VPS13D: variants seen among roughly 807,000 people sequenced by gnomAD.
VPS13D encodes the protein vacuolar protein sorting 13 homolog D.
Under a neutral mutation model 461.9 loss-of-function variants are expected in VPS13D, and 187 were observed. The observed-to-expected ratio is 0.40, with a 90% CI of 0.36 to 0.46. The LOEUF is 0.46. Ranked by LOEUF, VPS13D falls within the 20% of genes least tolerant of loss-of-function variation. VPS13D has a pLI of 0.60. For missense variants in VPS13D, 4,711 were observed against 5,364.9 expected, an observed-to-expected ratio of 0.88 and a Z score of 3.81; for synonymous variants, 1,951 against 1,986.3, an observed-to-expected ratio of 0.98 and a Z score of 0.47.
intron 65 of VPS13D, among the ~76,000 whole-genome samples, chr1:12,439,172 G>A (rs1332514478): frequency 1.3e-5 from 2 of 152,048 alleles, no homozygotes; most frequent in Non-Finnish European, 2.9e-5. Flanking sequence ...ATTCCAGCTT[G>A]TGCAACCTCA....
chr1:12,484,525 A>T (rs1423667268), intron 67 of VPS13D, among the ~76,000 whole-genome samples: 8 of 152,212 alleles, frequency 5.3e-5, no homozygotes, highest in Non-Finnish European at 1.2e-4. Context: ...AGTCAGAAAG[A>T]CCCAAGATCT....
chr1:12,243,705 C>T (rs938723702), intron 3 of VPS13D, among the ~76,000 whole-genome samples: 2 of 152,158 alleles, frequency 1.3e-5, no homozygotes, highest in Non-Finnish European at 1.5e-5. Context: ...CACAATTCTA[C>T]CGAGCCGTTT....
At chr1:12,333,456 C>G (rs1265238040) in intron 38 of VPS13D, 90 bp downstream of exon 38, 1 of 1,511,460 alleles carries the variant, frequency 6.6e-7, no homozygotes, top group East Asian at 2.3e-5. Flanking sequence ...TAGCAAATAC[C>G]TGGGCCTGTA....
chr1:12,312,603 T>C (rs1642784563), intron 29 of VPS13D, among the ~76,000 whole-genome samples: 1 of 151,924 alleles, frequency 6.6e-6, no homozygotes, highest in Non-Finnish European at 1.5e-5. Flanking sequence ...CTACAAAAAA[T>C]TAAAAAACTA....
chr1:12,421,851 C>T (rs956790500), intron 65 of VPS13D, among the ~76,000 whole-genome samples: 1 of 152,174 alleles, frequency 6.6e-6, no homozygotes, highest in Non-Finnish European at 1.5e-5. Context: ...GAGACAGTCT[C>T]ACTCTATCGC....
At chr1:12,327,220 C>G (rs943016630) in intron 35 of VPS13D, among the ~76,000 whole-genome samples, 1 of 152,212 alleles carries the variant, frequency 6.6e-6, no homozygotes, top group African/African-American at 2.4e-5. Context: ...GCTCTGGAGC[C>G]CATGCCCTCG....
At chr1:12,234,471 C>G in intron 2 of VPS13D, 108 bp downstream of exon 2, 1 of 809,374 alleles carries the variant, frequency 1.2e-6, no homozygotes, top group South Asian at 2.0e-5. Context: ...TGGCTTTGTA[C>G]TAAATGTATG....
At chr1:12,506,820 G>T (rs1043111961) in intron 68 of VPS13D, 33 bp from the exon 69 acceptor site, 1 of 1,604,660 alleles carries the variant, frequency 6.2e-7, no homozygotes, top group South Asian at 1.1e-5. Flanking sequence ...GAAGCCCCAG[G>T]TGTCACTCCT....
At chr1:12,244,053 A>T (rs1304128414) in intron 3 of VPS13D, among the ~76,000 whole-genome samples, 193 bp from the exon 4 acceptor site, 2 of 152,212 alleles carry the variant, frequency 1.3e-5, no homozygotes, top group Admixed American at 6.5e-5. Context: ...ATAAGTCATT[A>T]TACCTTATTC....
At chr1:12,506,756 C>A in intron 68 of VPS13D, 97 bp from the exon 69 acceptor site, 1 of 1,477,926 alleles carries the variant, frequency 6.8e-7, no homozygotes, top group Non-Finnish European at 9.1e-7. Context: ...CCGGGATTCG[C>A]ACTCAGGCCC....
intron 3 of VPS13D, 107 bp downstream of exon 3, chr1:12,242,697 T>C: frequency 1.7e-5 from 15 of 889,886 alleles, no homozygotes; most frequent in Middle Eastern, 2.2e-4. Context: ...AGAGGAAGGA[T>C]ATAGCAAATG....
At position 12,278,152 on chromosome 1, in the gene VPS13D, G is replaced by A. The variant is rs141422124; in HGVS notation, c.4450+114G>A. The stretch of plus-strand genomic sequence containing the variant: ...TCCTTTTCTTTTAGAATAATCCTCA[G>A]TTAATATTTAAGAAATCAAAGAGTT... On this transcript the variant is annotated intron_variant, in intron 19 of 69. Coordinates refer to ENST00000620676, the MANE Select transcript of VPS13D (RefSeq NM_015378.4). 1,085 of 1,136,204 alleles carry A rather than the reference G, an allele frequency of 9.5e-4. 8 individuals are homozygous for A. The African/African-American group carries it at 0.015, about 16-fold the overall frequency. 70.4% of individuals were successfully genotyped at this position (1,136,204 alleles called of 1,614,324 possible).
At chr1:12,267,299 C>T (rs1178522401) in intron 14 of VPS13D, among the ~76,000 whole-genome samples, 1 of 152,288 alleles carries the variant, frequency 6.6e-6, no homozygotes, top group East Asian at 1.9e-4. Context: ...TGGGTTTCCT[C>T]TGTATCTGAC....
At chr1:12,485,762 T>G (rs1207830405) in intron 67 of VPS13D, among the ~76,000 whole-genome samples, 1 of 152,216 alleles carries the variant, frequency 6.6e-6, no homozygotes, top group Non-Finnish European at 1.5e-5. Flanking sequence ...CAAGGGTTGA[T>G]GGACTATGAC....
chr1:12,277,639 G>C lies in VPS13D; in HGVS notation c.4051G>C (p.Glu1351Gln). ...CTTTGAAACTCCAAGGAAGACTCGG[G>C]AACCCTTTATCTTAGAGGAAAATGA... is the stretch of plus-strand genomic sequence containing the variant. ...SLFETPRKTR[E>Q]PFILEENEIY... The change falls in exon 19 of 70, where the codon GAA becomes CAA. Residue 1351 changes from glutamate (E) to glutamine (Q), a missense_variant. Physicochemically the swap from Glu to Gln is conservative, Grantham distance 29 (BLOSUM62 2). This residue lies in a region of VPS13D where 4,411 missense variants were observed against 4,937.8 expected (regional missense o/e 0.89). Coordinates refer to ENST00000620676, the MANE Select transcript of VPS13D (RefSeq NM_015378.4). 6.2e-7 allele frequency: 1 copy of C among 1,614,030 alleles called. No homozygotes were observed. The highest frequency in any genetic ancestry group is 1.1e-5 in the South Asian group (1 of 91,074).
chr1:12,283,305 G>A lies in VPS13D; in HGVS notation c.5203G>A (p.Val1735Ile). ...LPSHMEEAPN[V>I]FQLYQRPTSA... is the part of the protein sequence containing the mutation. ...TTCCCACATGGAAGAAGCTCCTAAT[G>A]TCTTCCAGTTGTATCAAAGGCCCAC... Residue 1735 changes from valine (V) to isoleucine (I), a missense_variant, in exon 21 of 70, where the codon GTC becomes ATC. By Grantham distance (29) the Val-to-Ile change is conservative (BLOSUM62 3). Transcript: ENST00000620676. 1 of 1,614,092 alleles carries A rather than the reference G, an allele frequency of 6.2e-7. No homozygotes were observed. Among genetic ancestry groups the A allele is most frequent in the East Asian group, 2.2e-5 (1 of 44,882 alleles).
intron 49 of VPS13D, among the ~76,000 whole-genome samples, chr1:12,357,004 A>C (rs989134283): frequency 6.6e-6 from 1 of 152,248 alleles, no homozygotes; most frequent in Non-Finnish European, 1.5e-5. Context: ...TTATGGTCTC[A>C]GAGCACTCAT....
intron 32 of VPS13D, among the ~76,000 whole-genome samples, chr1:12,320,911 G>C (rs1643017938): frequency 1.3e-5 from 2 of 152,190 alleles, no homozygotes; most frequent in South Asian, 4.1e-4. Context: ...ATCATCAGGG[G>C]AGAATTTATA....
At chr1:12,254,759 C>A (rs896630889) in intron 7 of VPS13D, among the ~76,000 whole-genome samples, 1 of 151,794 alleles carries the variant, frequency 6.6e-6, no homozygotes, top group Non-Finnish European at 1.5e-5. Flanking sequence ...AACTCCTGAC[C>A]TCAAGTGATC....
Sources: gnomAD v4.1 joint callset for allele counts (sites outside exome capture counted in the v4.1 genomes callset) on GRCh38, gnomAD v4.1.1 for gene constraint, gnomAD v4.1.1 regional missense constraint, MANE v1.5 for transcripts, NCBI Gene and HGNC (gene_info 2026-07-23, HGNC 2026-07-21) for gene names.